The following TBC1D8 variants were observed in gnomAD, a reference collection of about 807,000 sequenced individuals.
TBC1D8 encodes the protein BUB2-like protein 1.
In TBC1D8, 65 loss-of-function variants were observed where a neutral mutation model predicts 118.8. The observed-to-expected ratio is 0.55, with a 90% CI of 0.45 to 0.67. The LOEUF (loss-of-function observed/expected upper bound fraction) is 0.67. Among genes scored for constraint, TBC1D8 ranks in the 30% least tolerant of loss-of-function variants. TBC1D8 has a pLI of 0.00. For missense variants in TBC1D8, 1,376 were observed against 1,471.2 expected, an observed-to-expected ratio of 0.94 and a Z score of 1.06; for synonymous variants, 566 against 595.8, an observed-to-expected ratio of 0.95 and a Z score of 0.73.
intron 1 of TBC1D8, among the ~76,000 whole-genome samples, chr2:101,104,098 G>C (rs1489630772): frequency 6.6e-6 from 1 of 152,014 alleles, no homozygotes; most frequent in Non-Finnish European, 1.5e-5. Context: ...ACTAGAATTT[G>C]AAGGAAAAAA....
At chr2:101,117,264 C>G (rs984161027) in intron 1 of TBC1D8, among the ~76,000 whole-genome samples, 1 of 152,166 alleles carries the variant, frequency 6.6e-6, no homozygotes. Flanking sequence ...GGGATCAGCC[C>G]TTAGAAACTG....
chr2:101,060,187 T>G (rs1682680543), intron 2 of TBC1D8, among the ~76,000 whole-genome samples: 1 of 152,236 alleles, frequency 6.6e-6, no homozygotes, highest in African/African-American at 2.4e-5. Context: ...ACATTTCTAA[T>G]GATTCAGCTA....
intron 2 of TBC1D8, among the ~76,000 whole-genome samples, chr2:101,085,086 C>T (rs183052249): frequency 5.7e-4 from 87 of 152,050 alleles, no homozygotes; most frequent in Middle Eastern, 3.4e-3. Context: ...CTCCTGACCT[C>T]GTGATCTGCC....
chr2:101,067,977 C>T (rs1466365690), intron 2 of TBC1D8, among the ~76,000 whole-genome samples: 4 of 152,142 alleles, frequency 2.6e-5, no homozygotes, highest in Admixed American at 1.3e-4. Flanking sequence ...GGAGTAGATG[C>T]CCTCTCAAGA....
rs1681178572 is a variant in TBC1D8 at position 101,038,549 on chromosome 2, T to C, written c.1187A>G (p.Asp396Gly). ...CGCAAGCAGCGCCTCCACCAGGCTG[T>C]CTCGGTCCCGGAGCTCAATGAACTG... Reference protein sequence around the residue: ...AFQFIELRDRDSLVEALLARL... With the variant: ...AFQFIELRDRGSLVEALLARL... The change falls in exon 7 of 20, where the codon GAC becomes GGC. Residue 396 changes from aspartate to glycine, a missense_variant. Coordinates refer to ENST00000409318, the MANE Select transcript of TBC1D8 (RefSeq NM_001330348.2). 3.7e-6 allele frequency: 6 copies of C among 1,613,794 alleles called. No homozygotes were observed. The highest frequency in any genetic ancestry group is 1.7e-5 in the Admixed American group (1 of 60,012).
intron 1 of TBC1D8, among the ~76,000 whole-genome samples, chr2:101,097,497 G>A (rs1435671587): frequency 6.6e-6 from 1 of 151,744 alleles, no homozygotes; most frequent in African/African-American, 2.4e-5. Context: ...ATGGATAAGT[G>A]ACATGAATAA....
chr2:101,033,946 T>C (rs1424222038), intron 9 of TBC1D8, among the ~76,000 whole-genome samples, 188 bp from the exon 10 acceptor site: 1 of 152,004 alleles, frequency 6.6e-6, no homozygotes, highest in Non-Finnish European at 1.5e-5. Flanking sequence ...GGTGGATCAC[T>C]TGAGGTCAGG....
rs774498679 is a variant in TBC1D8 at position 101,032,038 on chromosome 2, T to G, written c.1936+230A>C. 1.6e-4 allele frequency among the ~76,000 whole-genome samples: 25 copies of G among 152,252 alleles called. 1 individual carries two copies. The highest frequency in any genetic ancestry group is 3.2e-4 in the Non-Finnish European group (22 of 68,046). On this transcript the variant is annotated intron_variant, in intron 11 of 19. Transcript: ENST00000409318. ...TGTGTTTGTTTTAATCCCGACTCTG[T>G]AGGTCTTTATAGCAGGAATGTGTTT...
chr2:101,013,938 C>T (rs1558618837), intron 17 of TBC1D8, among the ~76,000 whole-genome samples: 1 of 152,254 alleles, frequency 6.6e-6, no homozygotes, highest in African/African-American at 2.4e-5. Flanking sequence ...CAAATTATAG[C>T]AGCGAGGCCC....
chr2:101,021,652 G>A (rs1558625970), intron 17 of TBC1D8, 29 bp downstream of exon 17: 1 of 1,482,816 alleles, frequency 6.7e-7, no homozygotes, highest in South Asian at 1.2e-5. Context: ...GCAGAGCACA[G>A]TCTGATTTTG....
At chr2:101,089,703 A>G (rs1675884953) in intron 2 of TBC1D8, among the ~76,000 whole-genome samples, 1 of 151,662 alleles carries the variant, frequency 6.6e-6, no homozygotes, top group Non-Finnish European at 1.5e-5. Context: ...TGATCACAAT[A>G]GGAGAAGACT....
chr2:101,106,355 G>C (rs950444408), intron 1 of TBC1D8, among the ~76,000 whole-genome samples: 11 of 152,202 alleles, frequency 7.2e-5, no homozygotes, highest in African/African-American at 2.7e-4. Context: ...CTTAATGTTT[G>C]CAAGTTTTAA....
At chr2:101,038,370 C>A in intron 7 of TBC1D8, 91 bp downstream of exon 7, 1 of 1,388,384 alleles carries the variant, frequency 7.2e-7, no homozygotes, top group Admixed American at 1.9e-5. Flanking sequence ...TTCTTCTCAT[C>A]CCCACATGGC....
chr2:101,075,186 C>T (rs1350758608), intron 2 of TBC1D8, among the ~76,000 whole-genome samples: 1 of 152,116 alleles, frequency 6.6e-6, no homozygotes, highest in Non-Finnish European at 1.5e-5. Flanking sequence ...CACCTGAGGT[C>T]AGGAGTTTGA....
intron 6 of TBC1D8, among the ~76,000 whole-genome samples, chr2:101,039,671 A>G (rs1681257535): frequency 6.6e-6 from 1 of 152,222 alleles, no homozygotes; most frequent in East Asian, 1.9e-4. Flanking sequence ...ATTTTATAGG[A>G]AGAAGGGACC....
chr2:101,037,832 G>T (rs1355476286), intron 7 of TBC1D8, 124 bp from the exon 8 acceptor site: 4 of 1,213,496 alleles, frequency 3.3e-6, no homozygotes, highest in Non-Finnish European at 4.7e-6. Flanking sequence ...ATGACTCAGG[G>T]GGAAGACAGA....
intron 1 of TBC1D8, among the ~76,000 whole-genome samples, chr2:101,094,932 G>A (rs1676299031): frequency 2.0e-5 from 3 of 152,206 alleles, no homozygotes; most frequent in Non-Finnish European, 4.4e-5. Context: ...TCCAGAGACA[G>A]CCAAGATCAG....
At chr2:101,066,523 A>T (rs1683024590) in intron 2 of TBC1D8, among the ~76,000 whole-genome samples, 1 of 152,192 alleles carries the variant, frequency 6.6e-6, no homozygotes, top group Non-Finnish European at 1.5e-5. Context: ...AGCAAAAATA[A>T]CTAATTAAAT....
In TBC1D8 at chr2:101,036,162, C is replaced by G. The variant is rs1680994887; in HGVS notation, c.1459G>C (p.Glu487Gln). Residue 487 changes from glutamate (E) to glutamine (Q), a missense_variant, in exon 9 of 20, where the codon GAA (glutamate) becomes CAA (glutamine). Glu to Gln is a conservative substitution (Grantham distance 29). Coordinates refer to ENST00000409318, the MANE Select transcript of TBC1D8 (RefSeq NM_001330348.2). ...SQSPDSRMSR[E>Q]QIKISLWNDH... ...TTCCACAGGCTTATTTTTATCTGTT[C>G]TCTGGACTGGAAATGGGAATATTCT... 1 of 1,613,106 alleles carries G rather than the reference C, an allele frequency of 6.2e-7. No individual in the cohort carries two copies. The highest frequency in any genetic ancestry group is 1.1e-5 in the South Asian group (1 of 91,076).
Sources: allele counts gnomAD v4.1 joint callset (sites outside exome capture counted in the v4.1 genomes callset), GRCh38; gene constraint gnomAD v4.1.1; transcripts MANE v1.5; gene names NCBI Gene and HGNC (gene_info 2026-07-23, HGNC 2026-07-21).